The following HROB variants were observed in gnomAD, a reference collection of about 807,000 sequenced individuals.
HROB encodes the protein homologous recombination factor with OB-fold, also known as homologous recombination OB-fold protein.
A neutral mutation model predicts 61.0 loss-of-function variants in HROB; 44 were observed. The ratio of observed to expected loss-of-function variants is 0.72; its 90% CI spans 0.57 to 0.93. The LOEUF is 0.93. Ranked by LOEUF, HROB falls within the 40% of genes least tolerant of loss-of-function variation. The probability of loss-of-function intolerance (pLI) is 0.00; values close to 1 mark genes in which losing one functional copy is unlikely to be tolerated. For missense variants in HROB, 716 were observed against 796.2 expected (o/e 0.90, Z 1.21); for synonymous variants, 301 against 310.4 (o/e 0.97, Z 0.32).
At chr17:44,142,429 G>A (rs1053610211) in intron 1 of HROB, among the ~76,000 whole-genome samples, 2 of 151,430 alleles carry the variant, frequency 1.3e-5, no homozygotes, top group Non-Finnish European at 2.9e-5. Context: ...CTACCGCTTG[G>A]GTCCATCCCT....
intron 3 of HROB, among the ~76,000 whole-genome samples, chr17:44,149,771 A>G (rs755625490): frequency 1.3e-5 from 2 of 152,206 alleles, no homozygotes; most frequent in Non-Finnish European, 2.9e-5. Context: ...TACAGAGATT[A>G]AAAGAAACAG....
intron 9 of HROB, 104 bp from the exon 10 acceptor site, chr17:44,161,767 A>G: frequency 7.8e-7 from 1 of 1,287,502 alleles, no homozygotes; most frequent in Non-Finnish European, 1.1e-6. Context: ...CTGCCCAGCT[A>G]TACAGCCAGG....
In HROB at chr17:44,148,769, A is replaced by G. The variant is rs1598091468; in HGVS notation, c.966A>G (p.Ser322=). The G allele has an allele frequency of 1.2e-6, 2 of 1,614,110 alleles. No individual in the cohort carries two copies. Among genetic ancestry groups the G allele is most frequent in the East Asian group, 4.5e-5 (2 of 44,890 alleles). The change falls in exon 3 of 10, where the codon TCA becomes TCG. Residue 322 remains serine, a synonymous_variant. Coordinates refer to ENST00000585683, the MANE Select transcript of HROB (RefSeq NM_001171251.3). ...AHLPRPRTPN[S]SCSTPSRTSS... is the part of the protein sequence containing the mutation. The stretch of plus-strand genomic sequence containing the variant: ...TACCCAGACCTCGAACTCCCAACTC[A>G]AGCTGTTCTACTCCCTCAAGGACTA...
At chr17:44,154,471 C>T in intron 5 of HROB, 85 bp from the exon 6 acceptor site, 1 of 1,309,740 alleles carries the variant, frequency 7.6e-7, no homozygotes, top group Non-Finnish European at 1.1e-6. Flanking sequence ...CCCCTCCTAA[C>T]CCCGGTTGCC....
At chr17:44,158,306 T>C (rs553961063) in intron 9 of HROB, among the ~76,000 whole-genome samples, 2 of 152,236 alleles carry the variant, frequency 1.3e-5, no homozygotes, top group East Asian at 3.9e-4. Context: ...TTTCCCATCC[T>C]GAGTAAGCTT....
chr17:44,151,320 G>A (rs1052099134), intron 4 of HROB, among the ~76,000 whole-genome samples: 15 of 152,170 alleles, frequency 9.9e-5, no homozygotes, highest in African/African-American at 3.1e-4. Flanking sequence ...AGCTTCCCCT[G>A]GGGGAGGAGA....
chr17:44,160,414 A>C (rs534634049), intron 9 of HROB, among the ~76,000 whole-genome samples: 2 of 151,924 alleles, frequency 1.3e-5, no homozygotes, highest in African/African-American at 2.4e-5. Flanking sequence ...AAAAATACAC[A>C]AAAAATTAGC....
In HROB at chr17:44,152,731, C is replaced by G. The variant is rs748617286; in HGVS notation, c.1403C>G (p.Pro468Arg). 3 of 1,614,182 alleles carry G rather than the reference C, an allele frequency of 1.9e-6. No individual in the cohort carries two copies. Among genetic ancestry groups the G allele is most frequent in the Non-Finnish European group, 2.5e-6 (3 of 1,180,026 alleles). ...ACGCTAGGCCTGGATGAGAGAGACC[C>G]TAGCTGCTTCCTCTGTACCTACAGC... is the stretch of plus-strand genomic sequence containing the variant. The part of the protein sequence containing the change: ...KSTLGLDERD[P>R]SCFLCTYSIV... Residue 468 changes from proline to arginine, a missense_variant, in exon 5 of 10, where the codon CCT (proline) becomes CGT (arginine). Transcript: ENST00000585683.
intron 1 of HROB, among the ~76,000 whole-genome samples, chr17:44,143,063 A>G (rs971795947): frequency 3.3e-5 from 5 of 152,110 alleles, no homozygotes; most frequent in Admixed American, 6.6e-5. Flanking sequence ...TAGACTCCCA[A>G]CAAGCTGGGA....
At position 44,148,256 on chromosome 17, in the gene HROB, G is replaced by A. The variant is rs142061559; in HGVS notation, c.453G>A (p.Glu151=). 532 of 1,614,214 alleles carry A rather than the reference G, an allele frequency of 3.3e-4. No individual in the cohort carries two copies. Among genetic ancestry groups the A allele is most frequent in the Non-Finnish European group, 4.0e-4 (476 of 1,180,034 alleles). Residue 151 remains glutamate, a synonymous_variant, in exon 3 of 10, where the codon GAG becomes GAA. Transcript: ENST00000585683. The part of the protein sequence containing the change: ...ESQQQQVGGF[E]GPEQDEFDKV... The stretch of plus-strand genomic sequence containing the variant: ...AACAGCAGCAAGTTGGTGGCTTTGA[G>A]GGGCCTGAACAAGACGAATTTGATA...
intron 7 of HROB, 124 bp from the exon 8 acceptor site, chr17:44,155,162 G>T: frequency 1.4e-6 from 2 of 1,446,360 alleles, no homozygotes; most frequent in Non-Finnish European, 1.9e-6. Flanking sequence ...TGTGGCAAAT[G>T]GTTCTCTTCT....
At chr17:44,159,834 T>C (rs1203230052) in intron 9 of HROB, among the ~76,000 whole-genome samples, 1 of 152,230 alleles carries the variant, frequency 6.6e-6, no homozygotes, top group African/African-American at 2.4e-5. Flanking sequence ...AAGAACCAGG[T>C]ATACAGGCGG....
Position 44,162,325 on chromosome 17 carries a change from C to T in HROB, c.*393C>T. 4.9e-6 allele frequency: 1 copy of T among 202,468 alleles called. No homozygotes were observed. Among genetic ancestry groups the T allele is most frequent in the Non-Finnish European group, 1.0e-5 (1 of 99,056 alleles). 12.5% of individuals were successfully genotyped at this position (202,468 alleles called of 1,614,324 possible). ...GCCACACCACAACAATGGCGGCCTG[C>T]CCCTCCACACAGGGGAGAAGCACGC... On this transcript the variant is annotated 3_prime_UTR_variant, in exon 10 of 10. Coordinates refer to ENST00000585683, the MANE Select transcript of HROB (RefSeq NM_001171251.3).
intron 8 of HROB, among the ~76,000 whole-genome samples, chr17:44,156,686 T>A (rs2053980890): frequency 6.8e-6 from 1 of 146,580 alleles, no homozygotes; most frequent in African/African-American, 2.5e-5. Context: ...TTTTTTGAAA[T>A]GGAGTCTCAC....
chr17:44,144,663 C>T (rs1463726830), intron 1 of HROB, among the ~76,000 whole-genome samples: 4 of 152,060 alleles, frequency 2.6e-5, no homozygotes, highest in Admixed American at 6.6e-5. Context: ...GATCCACCCA[C>T]CTCAGCCTCC....
chr17:44,159,918 T>C (rs2054083759), intron 9 of HROB, among the ~76,000 whole-genome samples: 1 of 152,250 alleles, frequency 6.6e-6, no homozygotes. Context: ...TCCAGATGAT[T>C]GTGGGCAGGC....
At chr17:44,145,701 G>T (rs2053590284) in intron 2 of HROB, among the ~76,000 whole-genome samples, 1 of 152,178 alleles carries the variant, frequency 6.6e-6, no homozygotes, top group African/African-American at 2.4e-5. Flanking sequence ...TATGAGGGAT[G>T]CTCTTCTGCC....
intron 2 of HROB, among the ~76,000 whole-genome samples, chr17:44,147,415 C>A (rs1040984927): frequency 7.1e-6 from 1 of 140,452 alleles, no homozygotes; most frequent in Non-Finnish European, 1.5e-5. Flanking sequence ...GCTTTGGTTT[C>A]TTTTTCTTTT....
intron 1 of HROB, among the ~76,000 whole-genome samples, chr17:44,144,049 C>T (rs2053539275): frequency 6.6e-6 from 1 of 151,712 alleles, no homozygotes; most frequent in Non-Finnish European, 1.5e-5. Context: ...GCAATCTTGG[C>T]TCACTGCAAC....
Sources: gnomAD v4.1 joint callset for allele counts (sites outside exome capture counted in the v4.1 genomes callset) on GRCh38, gnomAD v4.1.1 for gene constraint, MANE v1.5 for transcripts, NCBI Gene and HGNC (gene_info 2026-07-23, HGNC 2026-07-21) for gene names.